Variants in PARM1 observed in about 807,000 individuals in gnomAD.
The protein encoded by PARM1 is prostate androgen-regulated mucin-like protein 1.
A neutral mutation model predicts 24.6 loss-of-function variants in PARM1; 14 were observed. The observed-to-expected ratio is 0.57, with a 90% CI of 0.38 to 0.89. The LOEUF is 0.89. Ranked by LOEUF, PARM1 falls within the 40% of genes least tolerant of loss-of-function variation. The probability of loss-of-function intolerance (pLI) is 0.00; values close to 1 mark genes in which losing one functional copy is unlikely to be tolerated. For synonymous variants in PARM1, 179 were observed against 156.6 expected (o/e 1.14, Z -1.07); for missense variants, 362 against 380.4 (o/e 0.95, Z 0.40).
intron 2 of PARM1, among the ~76,000 whole-genome samples, chr4:75,029,817 C>G (rs1253725827): frequency 6.6e-6 from 1 of 151,394 alleles, no homozygotes; most frequent in Admixed American, 6.6e-5. Flanking sequence ...GCAGGTGATT[C>G]CAAGGTGAAT....
chr4:75,041,917 A>G (rs1723496453), intron 3 of PARM1, among the ~76,000 whole-genome samples: 1 of 152,226 alleles, frequency 6.6e-6, no homozygotes. Context: ...GCACAGTGCC[A>G]TTGATTAACG....
chr4:75,043,324 A>G (rs1390074388), intron 3 of PARM1, among the ~76,000 whole-genome samples: 1 of 152,172 alleles, frequency 6.6e-6, no homozygotes, highest in Non-Finnish European at 1.5e-5. Context: ...TTTAAAAACA[A>G]TATTGGCCAA....
At chr4:74,943,089 T>C (rs895204523) in intron 1 of PARM1, among the ~76,000 whole-genome samples, 2 of 152,226 alleles carry the variant, frequency 1.3e-5, no homozygotes, top group Admixed American at 6.5e-5. Context: ...TTAAAACTTT[T>C]GTCAAATGTC....
intron 1 of PARM1, among the ~76,000 whole-genome samples, chr4:74,994,810 A>AAATAAATT (rs1435819736): frequency 6.6e-6 from 1 of 150,836 alleles, no homozygotes; most frequent in African/African-American, 2.4e-5. Flanking sequence ...ATAAATAAAT[A>AAATAAATT]AATAAATAAA....
chr4:74,997,365 ATG>A (rs1346982140), intron 1 of PARM1, among the ~76,000 whole-genome samples: 2 of 152,162 alleles, frequency 1.3e-5, no homozygotes, highest in African/African-American at 4.8e-5. Context: ...AGAAGGGTAT[ATG>A]TGTGGATAAT....
chr4:75,028,742 C>A lies in PARM1; in HGVS notation c.770-5141C>A, dbSNP rs546873722. 6.4e-4 allele frequency among the ~76,000 whole-genome samples: 97 copies of A among 152,296 alleles called. 1 individual carries two copies. Among genetic ancestry groups the A allele is most frequent in the Admixed American group, 9.8e-4 (15 of 15,310 alleles). On this transcript the variant is annotated intron_variant, in intron 2 of 3. Coordinates refer to ENST00000307428, the MANE Select transcript of PARM1 (RefSeq NM_015393.4). ...ACTTTCCACCATCACCTCCTCCACC[C>A]CCAGCTCTCTCAGAGTAACAACAAC...
At chr4:75,035,753 GA>G (rs1459094017) in intron 3 of PARM1, among the ~76,000 whole-genome samples, 8 of 152,088 alleles carry the variant, frequency 5.3e-5, no homozygotes, top group African/African-American at 1.7e-4. Flanking sequence ...CAAAGAACAG[GA>G]AAGCCAGGTT....
intron 1 of PARM1, among the ~76,000 whole-genome samples, chr4:74,950,675 TAA>T (rs1184957723): frequency 6.6e-6 from 1 of 152,200 alleles, no homozygotes; most frequent in Non-Finnish European, 1.5e-5. Context: ...ACAGATAAAA[TAA>T]GTTATGAACT....
intron 2 of PARM1, among the ~76,000 whole-genome samples, chr4:75,023,887 G>C (rs1456052477): frequency 2.0e-5 from 3 of 152,108 alleles, no homozygotes; most frequent in Non-Finnish European, 4.4e-5. Flanking sequence ...CATCAAAGTT[G>C]GAAATTATTT....
intron 3 of PARM1, among the ~76,000 whole-genome samples, chr4:75,042,598 C>T (rs1281290790): frequency 6.6e-6 from 1 of 150,724 alleles, no homozygotes; most frequent in African/African-American, 2.4e-5. Flanking sequence ...TTTTTTTAAC[C>T]TCATACACTA....
intron 2 of PARM1, among the ~76,000 whole-genome samples, chr4:75,019,107 T>C (rs1223875724): frequency 6.6e-6 from 1 of 152,236 alleles, no homozygotes; most frequent in Non-Finnish European, 1.5e-5. Context: ...TTTTCATTTT[T>C]TAGCTTTTGT....
chr4:74,933,855 G>T (rs926309199), intron 1 of PARM1, among the ~76,000 whole-genome samples: 1 of 152,136 alleles, frequency 6.6e-6, no homozygotes, highest in Non-Finnish European at 1.5e-5. Flanking sequence ...TTGCTTTCTC[G>T]AGTCTTGGCG....
chr4:74,959,531 G>A (rs1014724758), intron 1 of PARM1, among the ~76,000 whole-genome samples: 11 of 152,138 alleles, frequency 7.2e-5, no homozygotes, highest in African/African-American at 2.7e-4. Context: ...TATGCATGCT[G>A]CATCAAGTAA....
chr4:74,945,995 A>G (rs1311049066), intron 1 of PARM1, among the ~76,000 whole-genome samples: 1 of 152,234 alleles, frequency 6.6e-6, no homozygotes, highest in Non-Finnish European at 1.5e-5. Flanking sequence ...CTCTCACATT[A>G]TAGATAAAAC....
Position 75,012,405 on chromosome 4 carries a change from T to C in PARM1, c.44-20T>C, listed in dbSNP as rs759580161. 19 of 1,607,612 alleles carry C rather than the reference T, an allele frequency of 1.2e-5. No individual in the cohort carries two copies. The highest frequency in any genetic ancestry group is 5.0e-5 in the Admixed American group (3 of 59,820). The stretch of plus-strand genomic sequence containing the variant: ...CCGTGTTTTCACATATTAACCACTT[T>C]TGTACTGGCTTTTCCACAGGATGGA... On this transcript the variant is annotated intron_variant, in intron 1 of 3. Coordinates refer to ENST00000307428, the MANE Select transcript of PARM1 (RefSeq NM_015393.4).
At chr4:74,945,742 G>A (rs1721399754) in intron 1 of PARM1, among the ~76,000 whole-genome samples, 1 of 152,096 alleles carries the variant, frequency 6.6e-6, no homozygotes, top group African/African-American at 2.4e-5. Context: ...AATGAAAGTG[G>A]CCAACACAGA....
At chr4:74,993,132 T>G (rs914431566) in intron 1 of PARM1, among the ~76,000 whole-genome samples, 16 of 152,122 alleles carry the variant, frequency 1.1e-4, no homozygotes, top group African/African-American at 3.9e-4. Context: ...TATAAAAGAC[T>G]GTGACTTTCA....
At chr4:74,981,824 G>A (rs930839932) in intron 1 of PARM1, among the ~76,000 whole-genome samples, 1 of 136,916 alleles carries the variant, frequency 7.3e-6, no homozygotes, top group East Asian at 2.1e-4. Context: ...GCAGTGAGCC[G>A]AAATCGCGCC....
intron 1 of PARM1, chr4:74,993,768 AGAGTG>A (rs1319737179): frequency 1.3e-5 from 2 of 152,146 alleles, no homozygotes; most frequent in Non-Finnish European, 2.9e-5. Flanking sequence ...CTAGGCATGA[AGAGTG>A]GATTTGCAAA....
Sources: allele counts gnomAD v4.1 joint callset (sites outside exome capture counted in the v4.1 genomes callset), GRCh38; gene constraint gnomAD v4.1.1; transcripts MANE v1.5; gene names NCBI Gene and HGNC (gene_info 2026-07-23, HGNC 2026-07-21).